DSCAML1: variants seen among roughly 807,000 people sequenced by gnomAD.
DSCAML1 encodes DS cell adhesion molecule like 1.
A neutral mutation model predicts 200.5 loss-of-function variants in DSCAML1; 38 were observed. The observed-to-expected ratio is 0.19, with a 90% CI of 0.15 to 0.25. The LOEUF (loss-of-function observed/expected upper bound fraction) is 0.25. Among genes scored for constraint, DSCAML1 ranks in the 10% least tolerant of loss-of-function variants. The pLI is 1.00. For synonymous variants in DSCAML1, 1,215 were observed against 1,165.0 expected, an observed-to-expected ratio of 1.04 and a Z score of -0.87; for missense variants, 2,223 against 2,858.8, an observed-to-expected ratio of 0.78 and a Z score of 5.07.
At chr11:117,589,518 A>T (rs1004121918) in intron 3 of DSCAML1, among the ~76,000 whole-genome samples, 24 of 152,224 alleles carry the variant, frequency 1.6e-4, no homozygotes, top group Non-Finnish European at 1.5e-5. Context: ...TGTAAAGGAA[A>T]TGATGCAGGA....
chr11:117,584,391 G>GA (rs1426351886), intron 3 of DSCAML1, among the ~76,000 whole-genome samples: 1 of 152,078 alleles, frequency 6.6e-6, no homozygotes, highest in Admixed American at 6.5e-5. Flanking sequence ...TGTTTAGGAG[G>GA]AAAAAACCAA....
At chr11:117,436,470 A>C (rs768127506) in intron 26 of DSCAML1, among the ~76,000 whole-genome samples, 24 of 152,118 alleles carry the variant, frequency 1.6e-4, no homozygotes, top group Non-Finnish European at 3.1e-4. Flanking sequence ...TAGACTTGTG[A>C]CAATGGGCTT....
Position 117,428,665 on chromosome 11 carries a change from C to T in DSCAML1, c.5825G>A (p.Arg1942His), listed in dbSNP as rs767282357. The T allele has an allele frequency of 2.8e-5, 45 of 1,611,928 alleles. 1 individual carries two copies. Among genetic ancestry groups the T allele is most frequent in the South Asian group, 1.9e-4 (17 of 90,494 alleles). Reference protein sequence around the residue: ...NLARTYHTQARHLTLDPASKS... With the variant: ...NLARTYHTQAHHLTLDPASKS... Reference sequence around the variant, plus strand: ...GCTGGCAGGGTCCAGGGTCAGGTGGCGAGCCTGGGTGTGGTAGGTTCGAGC... The same window carrying T: ...GCTGGCAGGGTCCAGGGTCAGGTGGTGAGCCTGGGTGTGGTAGGTTCGAGC... Residue 1942 changes from arginine (R) to histidine (H), a missense_variant, in exon 33 of 33, where the codon CGC becomes CAC. By Grantham distance (29) the Arg-to-His change is conservative. This residue lies in a region of DSCAML1 where 280 missense variants were observed against 213.4 expected (regional missense o/e 1.31). Coordinates refer to ENST00000651296, the MANE Select transcript of DSCAML1 (RefSeq NM_020693.4).
At chr11:117,458,701 G>A in intron 19 of DSCAML1, 53 bp downstream of exon 19, 2 of 1,595,238 alleles carry the variant, frequency 1.3e-6, no homozygotes, top group Non-Finnish European at 1.7e-6. Context: ...TGGGGCTGGG[G>A]GTTAGCAGTG....
Position 117,428,357 on chromosome 11 carries a change from C to T in DSCAML1, c.6133G>A (p.Ala2045Thr), listed in dbSNP as rs199968404. 13 of 1,580,024 alleles carry T rather than the reference C, an allele frequency of 8.2e-6. 1 individual carries two copies. Among genetic ancestry groups the T allele is most frequent in the African/African-American group, 8.2e-5 (6 of 73,230 alleles). Reference sequence around the variant, plus strand: ...ACCAGGGTGTAGGATTTGGAGTAGGCCCCGGCCCCCTGCTTCTGAGACCTC... The same window carrying T: ...ACCAGGGTGTAGGATTTGGAGTAGGTCCCGGCCCCCTGCTTCTGAGACCTC... ...VGRSQKQGAG[A>T]YSKSYTLV The change falls in exon 33 of 33, where the codon GCC (alanine) becomes ACC (threonine). Residue 2045 changes from alanine to threonine, a missense_variant. Around this residue, in one of 7 missense-constraint regions of DSCAML1, gnomAD observed 280 missense variants for 213.4 expected, o/e 1.31. Coordinates refer to ENST00000651296, the MANE Select transcript of DSCAML1 (RefSeq NM_020693.4).
chr11:117,656,513 A>ATCTG (rs1464887543), intron 3 of DSCAML1, among the ~76,000 whole-genome samples: 1 of 149,412 alleles, frequency 6.7e-6, no homozygotes, highest in African/African-American at 2.4e-5. Flanking sequence ...CTATCTATCT[A>ATCTG]TCTATCTATC....
At chr11:117,809,494 A>C (rs1028168843) in intron 1 of DSCAML1, among the ~76,000 whole-genome samples, 1 of 152,208 alleles carries the variant, frequency 6.6e-6, no homozygotes, top group Non-Finnish European at 1.5e-5. Flanking sequence ...CCCTAGTGCC[A>C]CAGGACAGGA....
intron 11 of DSCAML1, among the ~76,000 whole-genome samples, chr11:117,502,626 A>G (rs1435465292): frequency 6.6e-6 from 1 of 152,188 alleles, no homozygotes; most frequent in Non-Finnish European, 1.5e-5. Context: ...TATGATTCTT[A>G]AAGGTGGGAA....
chr11:117,769,239 T>A (rs773492785), intron 3 of DSCAML1, among the ~76,000 whole-genome samples: 15 of 27,996 alleles, frequency 5.4e-4, no homozygotes, highest in Non-Finnish European at 9.3e-4. Flanking sequence ...TATTATATAT[T>A]TTATATATGT....
At chr11:117,500,166 C>T (rs556288455) in intron 11 of DSCAML1, among the ~76,000 whole-genome samples, 107 of 152,326 alleles carry the variant, frequency 7.0e-4, no homozygotes, top group Non-Finnish European at 1.4e-3. Context: ...TACTTCTCAT[C>T]CTTCAAGCCC....
chr11:117,793,565 A>G (rs903084691), intron 1 of DSCAML1, among the ~76,000 whole-genome samples: 1 of 152,114 alleles, frequency 6.6e-6, no homozygotes, highest in Non-Finnish European at 1.5e-5. Flanking sequence ...ATAGGCTAAC[A>G]GTCCATGGGG....
chr11:117,609,930 C>A (rs2051652922), intron 3 of DSCAML1, among the ~76,000 whole-genome samples: 1 of 152,142 alleles, frequency 6.6e-6, no homozygotes, highest in Non-Finnish European at 1.5e-5. Context: ...CCGAGAGGGT[C>A]TGCAGAACTG....
At chr11:117,616,167 A>G (rs1438948358) in intron 3 of DSCAML1, among the ~76,000 whole-genome samples, 1 of 152,174 alleles carries the variant, frequency 6.6e-6, no homozygotes, top group Non-Finnish European at 1.5e-5. Context: ...GCAGGATTCC[A>G]GTGTCTTCTA....
chr11:117,573,326 T>C (rs1194483419), intron 3 of DSCAML1, among the ~76,000 whole-genome samples: 1 of 152,218 alleles, frequency 6.6e-6, no homozygotes. Context: ...TCAATTAGAT[T>C]CCAGTCTGGA....
chr11:117,484,315 G>C (rs1383534134), intron 11 of DSCAML1, among the ~76,000 whole-genome samples: 1 of 152,146 alleles, frequency 6.6e-6, no homozygotes, highest in Non-Finnish European at 1.5e-5. Context: ...GATGAAGGGA[G>C]GTTTCAGGCT....
At chr11:117,732,639 C>T (rs567015496) in intron 3 of DSCAML1, among the ~76,000 whole-genome samples, 4 of 152,248 alleles carry the variant, frequency 2.6e-5, no homozygotes, top group African/African-American at 7.2e-5. Flanking sequence ...ACCCAGCCTC[C>T]GGACAGAAGG....
Position 117,481,261 on chromosome 11 carries a change from C to G in DSCAML1, c.2569G>C (p.Ala857Pro), listed in dbSNP as rs199597664. 6 of 1,613,608 alleles carry G rather than the reference C, an allele frequency of 3.7e-6. No individual in the cohort carries two copies. The highest frequency in any genetic ancestry group is 5.1e-6 in the Non-Finnish European group (6 of 1,179,958). Residue 857 changes from alanine to proline, a missense_variant, in exon 13 of 33, where the codon GCT becomes CCT. This residue lies in a region of DSCAML1 where 438 missense variants were observed against 629.7 expected (regional missense o/e 0.70). Coordinates refer to ENST00000651296, the MANE Select transcript of DSCAML1 (RefSeq NM_020693.4). The stretch of plus-strand genomic sequence containing the variant: ...AAGAACACAGAGTCCCCACGGTCAG[C>G]GGGCTTGAGCTGGGAGACCACCAGC... ...EVVSTLKLKPADRGDSVFFSC... is the reference protein window; with the variant it reads ...EVVSTLKLKPPDRGDSVFFSC...
chr11:117,697,073 G>C (rs1591411963), intron 3 of DSCAML1, among the ~76,000 whole-genome samples: 2 of 152,200 alleles, frequency 1.3e-5, no homozygotes, highest in East Asian at 3.8e-4. Context: ...CTCTGGTAGT[G>C]TTAGTATTGT....
chr11:117,514,988 T>C (rs1288835353), intron 8 of DSCAML1, among the ~76,000 whole-genome samples: 1 of 152,202 alleles, frequency 6.6e-6, no homozygotes, highest in African/African-American at 2.4e-5. Context: ...GCACTGCACG[T>C]GGAGCATGGA....
Sources: allele counts gnomAD v4.1 joint callset (sites outside exome capture counted in the v4.1 genomes callset), GRCh38; gene constraint gnomAD v4.1.1; regional missense constraint gnomAD v4.1.1; transcripts MANE v1.5; gene names NCBI Gene and HGNC (gene_info 2026-07-23, HGNC 2026-07-21).